Variants in RAD51B observed in about 807,000 individuals in gnomAD.
The protein encoded by RAD51B is DNA repair protein RAD51 homolog 2.
Under a neutral mutation model 42.2 loss-of-function variants are expected in RAD51B, and 38 were observed. The observed-to-expected ratio is 0.90, with a 90% CI of 0.70 to 1.18. RAD51B has a LOEUF of 1.18. Among genes scored for constraint, RAD51B ranks in the 50% most tolerant of loss-of-function variants. The pLI is 0.00. For missense variants in RAD51B, 373 were observed against 400.7 expected (o/e 0.93, Z 0.59); for synonymous variants, 154 against 145.2 (o/e 1.06, Z -0.43).
chr14:68,178,008 C>G (rs1267162269), intron 7 of RAD51B, among the ~76,000 whole-genome samples: 1 of 152,106 alleles, frequency 6.6e-6, no homozygotes, highest in Non-Finnish European at 1.5e-5. Flanking sequence ...TTTATAATGC[C>G]CTTTTTCTAA....
At chr14:68,564,425 C>CAA (rs1889318019) in intron 10 of RAD51B, among the ~76,000 whole-genome samples, 1 of 152,176 alleles carries the variant, frequency 6.6e-6, no homozygotes, top group Admixed American at 6.5e-5. Flanking sequence ...TAACGAGAGG[C>CAA]CACTGAAGCT....
chr14:68,292,604 T>G (rs1217090243), intron 8 of RAD51B, among the ~76,000 whole-genome samples: 1 of 152,162 alleles, frequency 6.6e-6, no homozygotes, highest in African/African-American at 2.4e-5. Flanking sequence ...TTGTTATCCT[T>G]GTAGTCTAGT....
Position 67,949,107 on chromosome 14 carries a change from G to A in RAD51B, c.756+61903G>A, listed in dbSNP as rs1011431368. Among the ~76,000 whole-genome samples the A allele has an allele frequency of 8.0e-4, 121 of 152,162 alleles. 1 individual carries two copies. Among genetic ancestry groups the A allele is most frequent in the African/African-American group, 2.9e-3 (119 of 41,480 alleles). On this transcript the variant is annotated intron_variant, in intron 7 of 10. Coordinates refer to ENST00000471583, the MANE Select transcript of RAD51B (RefSeq NM_133510.4). Reference sequence around the variant, plus strand: ...CTGATCAGGGTCGTGGTTGCTAAAAGTTGGGGTGGCTGTATCAGTTTATTA... The same window carrying A: ...CTGATCAGGGTCGTGGTTGCTAAAAATTGGGGTGGCTGTATCAGTTTATTA...
intron 7 of RAD51B, among the ~76,000 whole-genome samples, chr14:68,062,996 T>C (rs1291452268): frequency 6.6e-6 from 1 of 152,120 alleles, no homozygotes; most frequent in East Asian, 1.9e-4. Context: ...CAGAAGTTGA[T>C]CCATTTCCTC....
chr14:67,885,810 G>T, intron 5 of RAD51B, 59 bp from the exon 6 acceptor site: 1 of 1,530,544 alleles, frequency 6.5e-7, no homozygotes, highest in East Asian at 2.3e-5. Flanking sequence ...TAGAGATTCA[G>T]CAATGTGGCT....
chr14:67,905,703 G>T lies in RAD51B; in HGVS notation c.756+18499G>T, dbSNP rs143929344. On this transcript the variant is annotated intron_variant, in intron 7 of 10. Transcript: ENST00000471583. ...GTGAATAGGATTGCATTATTGATTT[G>T]ACTCTCAGCTTGGCTGTTGTTGGTG... Among the ~76,000 whole-genome samples the T allele has an allele frequency of 6.1e-3, 923 of 152,112 alleles. 16 individuals are homozygous for T. The highest frequency in any genetic ancestry group is 3.7e-3 in the Non-Finnish European group (251 of 68,014).
intron 9 of RAD51B, among the ~76,000 whole-genome samples, chr14:68,459,547 C>T (rs538278553): frequency 4.3e-4 from 66 of 152,330 alleles, no homozygotes; most frequent in African/African-American, 1.4e-3. Context: ...CGACAGGACC[C>T]TTGCATGCAG....
chr14:68,363,520 G>GGGGGCCTCCTCATTGGAGTGTGCA (rs1012269615), intron 8 of RAD51B, among the ~76,000 whole-genome samples: 1 of 152,114 alleles, frequency 6.6e-6, no homozygotes, highest in Non-Finnish European at 1.5e-5. Context: ...TCTGAGTGAA[G>GGGGGCCTCCTCATTGGAGTGTGCA]GGGGCCTCCT....
intron 8 of RAD51B, among the ~76,000 whole-genome samples, chr14:68,384,724 T>C (rs3784116): frequency 0.39 from 59,024 of 152,126 alleles, 14,492 homozygotes; most frequent in African/African-American, 0.7. Context: ...TTTTAGCGTT[T>C]CCATACCCAG....
chr14:68,434,186 G>A (rs982327534), intron 9 of RAD51B, among the ~76,000 whole-genome samples: 4 of 152,176 alleles, frequency 2.6e-5, no homozygotes, highest in Admixed American at 1.3e-4. Context: ...GCTACTCGGG[G>A]GTCAGGGACC....
At chr14:68,233,600 G>A (rs1404025103) in intron 7 of RAD51B, among the ~76,000 whole-genome samples, 1 of 152,186 alleles carries the variant, frequency 6.6e-6, no homozygotes, top group Non-Finnish European at 1.5e-5. Context: ...GAAGTTTTAT[G>A]TTGTGTTTTG....
At chr14:68,559,549 T>G (rs1195730267) in intron 10 of RAD51B, among the ~76,000 whole-genome samples, 1 of 151,730 alleles carries the variant, frequency 6.6e-6, no homozygotes, top group African/African-American at 2.4e-5. Context: ...CCCGGCTAAT[T>G]TTTGCCTTTT....
rs1369966711 is a variant in RAD51B, at chr14:68,113,232, C to T, written c.757-178652C>T. ...ATTGAAAGCTGTAATATAATTTTCA[C>T]CATGCATAATAACAAAGAGTGTCTA... On this transcript the variant is annotated intron_variant, in intron 7 of 10. Coordinates refer to ENST00000471583, the MANE Select transcript of RAD51B (RefSeq NM_133510.4). Among the ~76,000 whole-genome samples the T allele has an allele frequency of 1.3e-5, 2 of 151,918 alleles. 1 individual carries two copies. Among genetic ancestry groups the T allele is most frequent in the Non-Finnish European group, 2.9e-5 (2 of 67,970 alleles).
At chr14:68,062,959 G>T (rs960185455) in intron 7 of RAD51B, among the ~76,000 whole-genome samples, 69 of 151,908 alleles carry the variant, frequency 4.5e-4, no homozygotes, top group African/African-American at 1.6e-3. Context: ...TTTCTTTCTG[G>T]TTCAATCTTG....
chr14:68,668,951 A>G (rs141218931), intron 11 of RAD51B, among the ~76,000 whole-genome samples: 1 of 152,248 alleles, frequency 6.6e-6, no homozygotes. Flanking sequence ...GAGCTCATTA[A>G]GGAAAGAAAG....
At chr14:68,577,327 T>A (rs1047531303) in intron 10 of RAD51B, among the ~76,000 whole-genome samples, 8 of 152,124 alleles carry the variant, frequency 5.3e-5, no homozygotes, top group Non-Finnish European at 1.2e-4. Flanking sequence ...ACCCTTCTCA[T>A]CCTGTGGCCT....
intron 8 of RAD51B, among the ~76,000 whole-genome samples, chr14:68,405,578 C>T (rs907753977): frequency 6.6e-6 from 1 of 152,146 alleles, no homozygotes; most frequent in African/African-American, 2.4e-5. Context: ...TAGTAGACTA[C>T]AGTCAAGCTT....
intron 7 of RAD51B, among the ~76,000 whole-genome samples, chr14:68,245,038 A>G (rs1021718559): frequency 1.3e-5 from 2 of 152,212 alleles, no homozygotes; most frequent in African/African-American, 2.4e-5. Flanking sequence ...AGATGTGTCT[A>G]TTGATACCAA....
At chr14:67,914,947 G>A (rs1250677994) in intron 7 of RAD51B, among the ~76,000 whole-genome samples, 2 of 152,196 alleles carry the variant, frequency 1.3e-5, no homozygotes, top group African/African-American at 4.8e-5. Flanking sequence ...TGGTCTGAGA[G>A]TGTGGAGGAA....
Sources: allele counts gnomAD v4.1 joint callset (sites outside exome capture counted in the v4.1 genomes callset), GRCh38; gene constraint gnomAD v4.1.1; transcripts MANE v1.5; gene names NCBI Gene and HGNC (gene_info 2026-07-23, HGNC 2026-07-21).